The following TNRC6A variants were observed in gnomAD, a reference collection of about 807,000 sequenced individuals.
The protein encoded by TNRC6A is trinucleotide repeat containing adaptor 6A.
In TNRC6A, 44 loss-of-function variants were observed where a neutral mutation model predicts 221.2. The ratio of observed to expected loss-of-function variants is 0.20; its 90% CI spans 0.16 to 0.26. The LOEUF (loss-of-function observed/expected upper bound fraction) is 0.26, where lower values mean the gene tolerates loss of function less well. TNRC6A is among the 10% of genes least tolerant of loss of function. The pLI is 1.00. For missense variants in TNRC6A, 2,199 were observed against 2,404.4 expected, an observed-to-expected ratio of 0.91 and a Z score of 1.79; for synonymous variants, 847 against 838.5, an observed-to-expected ratio of 1.01 and a Z score of -0.18.
intron 2 of TNRC6A, among the ~76,000 whole-genome samples, chr16:24,670,303 G>A (rs1424045277): frequency 1.3e-5 from 2 of 151,960 alleles, no homozygotes; most frequent in Non-Finnish European, 2.9e-5. Flanking sequence ...CTTAATGTGG[G>A]AAAATAGTTT....
At chr16:24,735,110 C>T (rs888600400) in intron 2 of TNRC6A, among the ~76,000 whole-genome samples, 8 of 152,094 alleles carry the variant, frequency 5.3e-5, no homozygotes, top group Non-Finnish European at 7.4e-5. Flanking sequence ...GGTGAGACCC[C>T]GTCTCTACTA....
chr16:24,640,941 G>A (rs1281184101), exon 2 of TNRC6A: 2 of 152,122 alleles, frequency 1.3e-5, no homozygotes. Context: ...TGCAACTAGT[G>A]GCAGAGCCAG....
chr16:24,805,655 A>G lies in TNRC6A; in HGVS notation c.4173A>G (p.Pro1391=), dbSNP rs1361382842. 1.2e-6 allele frequency: 2 copies of G among 1,613,964 alleles called. No individual in the cohort carries two copies. Among genetic ancestry groups the G allele is most frequent in the Non-Finnish European group, 8.5e-7 (1 of 1,179,994 alleles). ...KYAPNNGGLN[P]LFGPQQVAML... ...CACCAAACAACGGTGGCCTGAATCC[A>G]CTCTTTGGCCCTCAACAGGTAGCCA... Residue 1391 remains proline (P), a synonymous_variant, in exon 15 of 25, where the codon CCA becomes CCG. Coordinates refer to ENST00000395799, the MANE Select transcript of TNRC6A (RefSeq NM_014494.4).
At chr16:24,703,035 A>AAAAATAAAATAAAATAAAATAAAAT (rs71156434) in intron 2 of TNRC6A, among the ~76,000 whole-genome samples, 4 of 147,786 alleles carry the variant, frequency 2.7e-5, no homozygotes, top group Non-Finnish European at 5.9e-5. Flanking sequence ...ACTCTGTGTC[A>AAAAATAAAATAAAATAAAATAAAAT]AAAATAAAAT....
At chr16:24,783,810 G>A (rs553679081) in intron 5 of TNRC6A, among the ~76,000 whole-genome samples, 1 of 152,172 alleles carries the variant, frequency 6.6e-6, no homozygotes, top group Middle Eastern at 3.4e-3. Flanking sequence ...GTTCCTCTAT[G>A]TTTATCTTCC....
chr16:24,822,843 T>A, intron 23 of TNRC6A, 31 bp from the exon 24 acceptor site: 1 of 1,612,012 alleles, frequency 6.2e-7, no homozygotes, highest in Non-Finnish European at 8.5e-7. Flanking sequence ...CGGTGACGCC[T>A]CTCACTGGCA....
chr16:24,779,009 G>T (rs1482220107), intron 5 of TNRC6A, among the ~76,000 whole-genome samples: 1 of 152,192 alleles, frequency 6.6e-6, no homozygotes, highest in Non-Finnish European at 1.5e-5. Flanking sequence ...TGTCAAATAT[G>T]CCTTTTCACT....
intron 4 of TNRC6A, chr16:24,776,708 T>A: frequency 2.0e-6 from 2 of 985,430 alleles, no homozygotes; most frequent in Non-Finnish European, 2.4e-6. Context: ...TGGCCGAAGG[T>A]CCCTGGGCCC....
At chr16:24,719,399 C>T (rs1054364749) in intron 2 of TNRC6A, among the ~76,000 whole-genome samples, 1 of 152,146 alleles carries the variant, frequency 6.6e-6, no homozygotes, top group African/African-American at 2.4e-5. Context: ...GGCTTGCTGG[C>T]TCACGCTTGT....
At chr16:24,818,496 G>C (rs934232052) in intron 20 of TNRC6A, 97 bp from the exon 21 acceptor site, 1 of 889,410 alleles carries the variant, frequency 1.1e-6, no homozygotes. Context: ...CCTTTCTTGT[G>C]GCATACTGTT....
intron 2 of TNRC6A, among the ~76,000 whole-genome samples, chr16:24,722,388 T>C (rs1271484085): frequency 6.6e-6 from 1 of 151,916 alleles, no homozygotes; most frequent in Non-Finnish European, 1.5e-5. Flanking sequence ...CACCCTAGCC[T>C]GGGTGACAGA....
intron 4 of TNRC6A, among the ~76,000 whole-genome samples, chr16:24,770,132 T>C (rs1405959556): frequency 1.3e-5 from 2 of 152,106 alleles, no homozygotes; most frequent in Non-Finnish European, 2.9e-5. Context: ...GACAAAAATA[T>C]TTGCAAGAAA....
chr16:24,697,136 G>A (rs930872336), intron 2 of TNRC6A, among the ~76,000 whole-genome samples: 2 of 152,130 alleles, frequency 1.3e-5, no homozygotes, highest in African/African-American at 4.8e-5. Context: ...TGCTAATTAC[G>A]CTAATTTGAT....
chr16:24,793,794 C>G (rs1200337900), intron 7 of TNRC6A, 145 bp downstream of exon 7: 1 of 783,656 alleles, frequency 1.3e-6, no homozygotes, highest in Non-Finnish European at 1.7e-6. Context: ...GTATTTTGCT[C>G]TTTGATTTTG....
chr16:24,822,764 G>A (rs940481337), intron 23 of TNRC6A, 110 bp from the exon 24 acceptor site: 38 of 1,444,580 alleles, frequency 2.6e-5, no homozygotes, highest in South Asian at 2.6e-4. Flanking sequence ...AGTGGTGCCA[G>A]GAGCACAGAG....
At chr16:24,617,098 A>C (rs1900394046) in intron 1 of TNRC6A, among the ~76,000 whole-genome samples, 1 of 151,534 alleles carries the variant, frequency 6.6e-6, no homozygotes. Flanking sequence ...TTATAGATTT[A>C]TCTATTAGTT....
chr16:24,788,906 C>T (rs2058032828), intron 5 of TNRC6A, among the ~76,000 whole-genome samples: 1 of 152,190 alleles, frequency 6.6e-6, no homozygotes, highest in Admixed American at 6.5e-5. Flanking sequence ...CCTCGGCCTT[C>T]CAGAGTGCTG....
rs181329369 is a variant in TNRC6A at position 24,811,639 on chromosome 16, A to G, written c.4672+2158A>G. On this transcript the variant is annotated intron_variant, in intron 18 of 24. Transcript: ENST00000395799. The stretch of plus-strand genomic sequence containing the variant: ...TTTGTATGTTGGAGAGTACTAAGCC[A>G]GGAGATGACATGATCAGATTTGCAC... 2.0e-5 allele frequency among the ~76,000 whole-genome samples: 3 copies of G among 152,110 alleles called. No individual in the cohort carries two copies. In the East Asian group the frequency reaches 5.8e-4, roughly 29 times the overall value.
At position 24,795,834 on chromosome 16, in the gene TNRC6A, A is replaced by T; in HGVS notation, c.3529-73A>T. The T allele has an allele frequency of 2.1e-6, 3 of 1,417,230 alleles. 1 individual carries two copies. Among genetic ancestry groups the T allele is most frequent in the Non-Finnish European group, 2.9e-6 (3 of 1,051,884 alleles). The allele number at this position is 1,417,230 out of a possible 1,614,324, so 87.8% of individuals were successfully genotyped here. ...AGCGACAGAGTAAGGACTTAAGTTT[A>T]GGTCTTCCAGTTCCAAACCCCATGT... On this transcript the variant is annotated intron_variant, in intron 8 of 24. Transcript: ENST00000395799.
Sources: gnomAD v4.1 joint callset for allele counts (sites outside exome capture counted in the v4.1 genomes callset) on GRCh38, gnomAD v4.1.1 for gene constraint, MANE v1.5 for transcripts, NCBI Gene and HGNC (gene_info 2026-07-23, HGNC 2026-07-21) for gene names.